Variants in MTUS1 observed in about 807,000 individuals in gnomAD.
MTUS1 encodes the protein microtubule associated scaffold protein 1.
A neutral mutation model predicts 120.8 loss-of-function variants in MTUS1; 109 were observed. That is an observed-to-expected ratio of 0.90 (90% confidence interval 0.77 to 1.06). MTUS1 has a LOEUF of 1.06. Among genes scored for constraint, MTUS1 ranks in the 50% least tolerant of loss-of-function variants. The probability of loss-of-function intolerance (pLI) is 0.00; values close to 1 mark genes in which losing one functional copy is unlikely to be tolerated. For missense variants in MTUS1, 2,210 were observed against 1,486.3 expected, an observed-to-expected ratio of 1.49 and a Z score of -8.01; for synonymous variants, 737 against 550.5, an observed-to-expected ratio of 1.34 and a Z score of -4.74.
chr8:17,783,476 G>A (rs2051055057), intron 1 of MTUS1, among the ~76,000 whole-genome samples: 1 of 152,138 alleles, frequency 6.6e-6, no homozygotes, highest in Admixed American at 6.5e-5. Flanking sequence ...AGCATACCAG[G>A]CCTTAGAATC....
chr8:17,651,603 C>T (rs1395871014), intron 12 of MTUS1: 1 of 151,244 alleles, frequency 6.6e-6, no homozygotes, highest in Non-Finnish European at 1.5e-5. Context: ...CATAACTTAC[C>T]GTCAGTTTTA....
rs780583170 is a variant in MTUS1 at position 17,653,465 on chromosome 8, G to C, written c.3248C>G (p.Ser1083Trp). Residue 1083 changes from serine (S) to tryptophan (W), a missense_variant, in exon 11 of 15, where the codon TCG (serine) becomes TGG (tryptophan). Ser to Trp is a radical substitution (Grantham distance 177). Transcript: ENST00000693296. ...CTTCTCAGAAAGTAAATCTTCAAGC[G>C]ATTTCTTTTCTATTTCATGGCCTTT... Reference protein sequence around the residue: ...IKKGHEIEKKSLEDLLSEKQE... With the variant: ...IKKGHEIEKKWLEDLLSEKQE... 2 of 1,612,128 alleles carry C rather than the reference G, an allele frequency of 1.2e-6. No homozygotes were observed. Among genetic ancestry groups the C allele is most frequent in the Non-Finnish European group, 1.7e-6 (2 of 1,179,248 alleles).
intron 7 of MTUS1, chr8:17,676,158 C>G: frequency 1.5e-6 from 1 of 674,668 alleles, no homozygotes; most frequent in Non-Finnish European, 2.7e-6. Context: ...GATCATGAGA[C>G]CCGGCCTTTG....
intron 1 of MTUS1, among the ~76,000 whole-genome samples, chr8:17,756,614 C>T (rs1242157734): frequency 6.6e-6 from 1 of 151,180 alleles, no homozygotes; most frequent in African/African-American, 2.4e-5. Flanking sequence ...TGTGAGTTAC[C>T]TTATGTTATA....
intron 8 of MTUS1, among the ~76,000 whole-genome samples, chr8:17,660,517 G>A (rs1809447012): frequency 6.6e-6 from 1 of 152,138 alleles, no homozygotes; most frequent in African/African-American, 2.4e-5. Flanking sequence ...ACATGCCCGA[G>A]TCCCTGCTTT....
upstream of MTUS1, among the ~76,000 whole-genome samples, chr8:17,801,157 G>A (rs989978160): frequency 1.6e-4 from 24 of 151,836 alleles, no homozygotes; most frequent in Admixed American, 1.1e-3. Flanking sequence ...ACCCGCCCCG[G>A]AGGTCTCGGG....
chr8:17,763,603 C>G (rs377520039), intron 1 of MTUS1, among the ~76,000 whole-genome samples: 1 of 152,060 alleles, frequency 6.6e-6, no homozygotes, highest in South Asian at 2.1e-4. Context: ...GAATGAGCTG[C>G]CCACCAGAGC....
chr8:17,655,654 G>A (rs1808048696), intron 9 of MTUS1, among the ~76,000 whole-genome samples: 1 of 152,094 alleles, frequency 6.6e-6, no homozygotes, highest in African/African-American at 2.4e-5. Context: ...AACCCGGGAG[G>A]CAGAGGCTGC....
intron 1 of MTUS1, among the ~76,000 whole-genome samples, chr8:17,792,204 T>C (rs2051846816): frequency 1.3e-5 from 2 of 152,208 alleles, no homozygotes; most frequent in South Asian, 4.1e-4. Context: ...GAAATACCTC[T>C]ATTTATTATT....
intron 3 of MTUS1, among the ~76,000 whole-genome samples, chr8:17,738,469 G>C (rs1342102633): frequency 6.6e-6 from 1 of 152,204 alleles, no homozygotes; most frequent in Non-Finnish European, 1.5e-5. Context: ...CTCCAAAAGA[G>C]AGTGAAGGCG....
At chr8:17,772,447 T>C (rs2050087519) in intron 1 of MTUS1, among the ~76,000 whole-genome samples, 1 of 152,214 alleles carries the variant, frequency 6.6e-6, no homozygotes, top group African/African-American at 2.4e-5. Flanking sequence ...AGATTCATAA[T>C]TATGACTGTC....
At chr8:17,751,675 T>C (rs1214576176) in intron 2 of MTUS1, among the ~76,000 whole-genome samples, 2 of 151,848 alleles carry the variant, frequency 1.3e-5, no homozygotes, top group Non-Finnish European at 1.5e-5. Flanking sequence ...CTGGACAATA[T>C]GGTGAAACCT....
At chr8:17,779,312 CA>C (rs1296439776) in intron 1 of MTUS1, among the ~76,000 whole-genome samples, 1 of 152,144 alleles carries the variant, frequency 6.6e-6, no homozygotes, top group East Asian at 1.9e-4. Context: ...AGCCTAAAGA[CA>C]GTGACCAGGA....
At position 17,755,575 on chromosome 8, in the gene MTUS1, T is replaced by C. The variant is rs779989462; in HGVS notation, c.233A>G (p.Glu78Gly). Reference sequence around the variant, plus strand: ...AGAAGACTTTTCATGACCAAATACTTCAACACCCTGAAGGCTTAAAGAAAT... The same window carrying C: ...AGAAGACTTTTCATGACCAAATACTCCAACACCCTGAAGGCTTAAAGAAAT... ...ENISLSLQGV[E>G]VFGHEKSSSD... The change falls in exon 2 of 15, where the codon GAA (glutamate) becomes GGA (glycine). Residue 78 changes from glutamate (E) to glycine (G), a missense_variant. Coordinates refer to ENST00000693296, the MANE Select transcript of MTUS1 (RefSeq NM_001363059.2). 2 of 1,614,176 alleles carry C rather than the reference T, an allele frequency of 1.2e-6. No homozygotes were observed. The highest frequency in any genetic ancestry group is 2.2e-5 in the East Asian group (1 of 44,884).
At chr8:17,779,952 C>T (rs1265683379) in intron 1 of MTUS1, among the ~76,000 whole-genome samples, 2 of 152,204 alleles carry the variant, frequency 1.3e-5, no homozygotes, top group African/African-American at 4.8e-5. Flanking sequence ...ACATGTTTAA[C>T]AGGAATCTCT....
chr8:17,751,552 T>C (rs1310224861), intron 2 of MTUS1, among the ~76,000 whole-genome samples: 1 of 127,616 alleles, frequency 7.8e-6, no homozygotes, highest in Non-Finnish European at 1.7e-5. Flanking sequence ...GCACTGTGCT[T>C]CAGACATGAT....
At chr8:17,715,945 C>A in intron 4 of MTUS1, 44 bp from the exon 5 acceptor site, 1 of 1,559,954 alleles carries the variant, frequency 6.4e-7, no homozygotes, top group Non-Finnish European at 8.7e-7. Context: ...TAGATAAACA[C>A]AGTTTCGACC....
At chr8:17,764,024 G>C (rs1336038913) in intron 1 of MTUS1, among the ~76,000 whole-genome samples, 1 of 152,136 alleles carries the variant, frequency 6.6e-6, no homozygotes, top group African/African-American at 2.4e-5. Flanking sequence ...ATTGTAAACA[G>C]CCACCCAGAT....
chr8:17,646,892 G>A (rs2129980940), intron 14 of MTUS1, 90 bp downstream of exon 14: 1 of 839,374 alleles, frequency 1.2e-6, no homozygotes, highest in Non-Finnish European at 2.0e-6. Flanking sequence ...CATATTTCCA[G>A]GAGGTGCAGG....
Sources: allele counts gnomAD v4.1 joint callset (sites outside exome capture counted in the v4.1 genomes callset), GRCh38; gene constraint gnomAD v4.1.1; transcripts MANE v1.5; gene names NCBI Gene and HGNC (gene_info 2026-07-23, HGNC 2026-07-21).